The following PPP1R12A variants were observed in gnomAD, a reference collection of about 807,000 sequenced individuals.
PPP1R12A encodes myosin binding subunit.
In PPP1R12A, 19 loss-of-function variants were observed where a neutral mutation model predicts 139.6. The ratio of observed to expected loss-of-function variants is 0.14; its 90% CI spans 0.09 to 0.20. The LOEUF is 0.20. PPP1R12A is among the 10% of genes least tolerant of loss of function. The pLI is 1.00. For synonymous variants in PPP1R12A, 427 were observed against 420.6 expected (o/e 1.02, Z -0.19); for missense variants, 925 against 1,211.5 (o/e 0.76, Z 3.51).
intron 2 of PPP1R12A, among the ~76,000 whole-genome samples, chr12:79,872,562 G>C (rs1882687166): frequency 6.6e-6 from 1 of 152,136 alleles, no homozygotes; most frequent in African/African-American, 2.4e-5. Context: ...GATGGAGACA[G>C]AGAATGTGTA....
chr12:79,830,827 A>C (rs1319895876), intron 4 of PPP1R12A, among the ~76,000 whole-genome samples: 1 of 152,210 alleles, frequency 6.6e-6, no homozygotes, highest in Non-Finnish European at 1.5e-5. Flanking sequence ...TTAAGACATC[A>C]TGACAGAACT....
At chr12:79,829,527 T>C (rs894619028) in intron 4 of PPP1R12A, among the ~76,000 whole-genome samples, 1 of 152,072 alleles carries the variant, frequency 6.6e-6, no homozygotes, top group African/African-American at 2.4e-5. Flanking sequence ...AATCAGCATA[T>C]GGAGAGATGG....
Position 79,817,406 on chromosome 12 carries a change from T to C in PPP1R12A, c.1227A>G (p.Ser409=), listed in dbSNP as rs1460170130. Residue 409 remains serine (S), a synonymous_variant, in exon 9 of 25, where the codon TCA becomes TCG. Transcript: ENST00000450142. ...AATTTTGGCTTACCTTTTTAATAGGTGATGTAGGTGTTGCTTGACCTGATG... is the reference window on the plus strand; with the variant it reads ...AATTTTGGCTTACCTTTTTAATAGGCGATGTAGGTGTTGCTTGACCTGATG... ...TVSSGQATPT[S]PIKKFPTTAT... 1 of 1,611,690 alleles carries C rather than the reference T, an allele frequency of 6.2e-7. No homozygotes were observed. The highest frequency in any genetic ancestry group is 1.7e-5 in the Admixed American group (1 of 59,804).
rs1869498307 is a variant in PPP1R12A at position 79,774,067 on chromosome 12, T to C, written c.*1862A>G. On this transcript the variant is annotated 3_prime_UTR_variant, in exon 25 of 25. Transcript: ENST00000450142. Reference sequence around the variant, plus strand: ...ATCCAAACTTCACAAATATAAACCATAGCATGCCTAACTGTTGTGCAACCA... The same window carrying C: ...ATCCAAACTTCACAAATATAAACCACAGCATGCCTAACTGTTGTGCAACCA... 6.6e-6 allele frequency: 1 copy of C among 152,088 alleles called. No individual in the cohort carries two copies. Among genetic ancestry groups the C allele is most frequent in the African/African-American group, 2.4e-5 (1 of 41,422 alleles). 9.4% of individuals were successfully genotyped at this position (152,088 alleles called of 1,614,324 possible).
At chr12:79,917,465 C>T (rs1252896827) in intron 1 of PPP1R12A, among the ~76,000 whole-genome samples, 3 of 125,720 alleles carry the variant, frequency 2.4e-5, no homozygotes, top group East Asian at 2.3e-4. Context: ...AGCCTGGTGA[C>T]GGAGCGAGAC....
chr12:79,884,048 C>G (rs1457676101), intron 1 of PPP1R12A, among the ~76,000 whole-genome samples: 2 of 152,012 alleles, frequency 1.3e-5, no homozygotes, highest in Non-Finnish European at 2.9e-5. Flanking sequence ...AACATAAGAA[C>G]AAGTGAAAAA....
At position 79,892,299 on chromosome 12, in the gene PPP1R12A, T is replaced by C. The variant is rs1051058060; in HGVS notation, c.238-19361A>G. On this transcript the variant is annotated intron_variant, in intron 1 of 24. Coordinates refer to ENST00000450142, the MANE Select transcript of PPP1R12A (RefSeq NM_002480.3). ...TAACACTAGACCACCCTCCATTTCT[T>C]AAACATGCCCAATCCGAAATTATAA... is the stretch of plus-strand genomic sequence containing the variant. Among the ~76,000 whole-genome samples the C allele has an allele frequency of 3.3e-5, 5 of 152,176 alleles. No individual in the cohort carries two copies. The East Asian group carries it at 9.6e-4, about 29-fold the overall frequency.
At chr12:79,781,080 G>A (rs1026030186) in intron 23 of PPP1R12A, among the ~76,000 whole-genome samples, 46 of 152,104 alleles carry the variant, frequency 3.0e-4, no homozygotes, top group Non-Finnish European at 7.4e-5. Flanking sequence ...TCTAGCTACT[G>A]CTCAGCTACA....
At chr12:79,817,229 CA>C (rs1052019043) in intron 9 of PPP1R12A, among the ~76,000 whole-genome samples, 164 bp downstream of exon 9, 7 of 152,090 alleles carry the variant, frequency 4.6e-5, no homozygotes, top group African/African-American at 1.7e-4. Context: ...AAACATGATT[CA>C]GAAGAAATCT....
intron 1 of PPP1R12A, among the ~76,000 whole-genome samples, chr12:79,927,425 C>A (rs920338960): frequency 6.6e-6 from 1 of 152,120 alleles, no homozygotes; most frequent in Admixed American, 6.5e-5. Context: ...AGATACAGTA[C>A]TACTGCACTT....
chr12:79,866,549 G>A (rs936940613), intron 2 of PPP1R12A, among the ~76,000 whole-genome samples: 29 of 152,132 alleles, frequency 1.9e-4, no homozygotes, highest in African/African-American at 7.0e-4. Flanking sequence ...TACAGAATCG[G>A]AGAAAATTTT....
intron 3 of PPP1R12A, among the ~76,000 whole-genome samples, chr12:79,838,480 G>T (rs1419711810): frequency 6.6e-6 from 1 of 152,234 alleles, no homozygotes; most frequent in African/African-American, 2.4e-5. Context: ...AAGGTCCCCA[G>T]GGCATGTCAA....
At chr12:79,807,534 A>G (rs1873984485) in intron 11 of PPP1R12A, among the ~76,000 whole-genome samples, 1 of 152,042 alleles carries the variant, frequency 6.6e-6, no homozygotes, top group African/African-American at 2.4e-5. Flanking sequence ...TATGGGGGAA[A>G]ATTCAGATAT....
intron 3 of PPP1R12A, among the ~76,000 whole-genome samples, chr12:79,840,508 T>C (rs1229381152): frequency 2.0e-5 from 3 of 152,142 alleles, no homozygotes; most frequent in Non-Finnish European, 2.9e-5. Context: ...ACCCAATATA[T>C]ACTCATGAAG....
chr12:79,847,050 T>A (rs548366745), intron 2 of PPP1R12A, among the ~76,000 whole-genome samples: 1 of 152,132 alleles, frequency 6.6e-6, no homozygotes, highest in Non-Finnish European at 1.5e-5. Context: ...AAAGTACACG[T>A]CCACAGAGGG....
chr12:79,885,477 A>G (rs1884019471), intron 1 of PPP1R12A, among the ~76,000 whole-genome samples: 1 of 152,160 alleles, frequency 6.6e-6, no homozygotes, highest in African/African-American at 2.4e-5. Context: ...GAATTGTCAA[A>G]TATTCCTTTT....
chr12:79,793,790 T>C (rs920154655), intron 19 of PPP1R12A, 73 bp downstream of exon 19: 2 of 1,209,442 alleles, frequency 1.7e-6, no homozygotes, highest in Non-Finnish European at 2.3e-6. Flanking sequence ...TGAATAAACA[T>C]AATAAAACGC....
rs1872426757 is a variant in PPP1R12A, at chr12:79,795,682, T to C, written c.2539A>G (p.Arg847Gly). ...PKSIRERRRP[R>G]EKRRSTGVSF... ...ACTCCTGTAGATCTTCTTTTCTCTC[T>C]TGGTCGTCGTCGTTCTCTGATTGAT... The change falls in exon 18 of 25, where the codon AGA (arginine) becomes GGA (glycine). Residue 847 changes from arginine to glycine, a missense_variant. Arg to Gly is a moderately radical substitution (Grantham distance 125). Coordinates refer to ENST00000450142, the MANE Select transcript of PPP1R12A (RefSeq NM_002480.3). 1 of 1,612,488 alleles carries C rather than the reference T, an allele frequency of 6.2e-7. No individual in the cohort carries two copies. Among genetic ancestry groups the C allele is most frequent in the Admixed American group, 1.7e-5 (1 of 59,964 alleles).
intron 22 of PPP1R12A, chr12:79,782,063 G>T: frequency 2.8e-6 from 1 of 363,418 alleles, no homozygotes. Context: ...ATGGTAACCA[G>T]AGCTCTCATT....
Sources: gnomAD v4.1 joint callset for allele counts (sites outside exome capture counted in the v4.1 genomes callset) on GRCh38, gnomAD v4.1.1 for gene constraint, MANE v1.5 for transcripts, NCBI Gene and HGNC (gene_info 2026-07-23, HGNC 2026-07-21) for gene names.